The following LRRTM4 variants were observed in gnomAD, a reference collection of about 807,000 sequenced individuals.
The protein encoded by LRRTM4 is leucine-rich repeat transmembrane neuronal protein 4.
LRRTM4 carries 25 observed loss-of-function variants against 47.6 expected under a neutral mutation model. That is an observed-to-expected ratio of 0.53 (90% CI 0.38 to 0.73). The LOEUF (loss-of-function observed/expected upper bound fraction) is 0.73. LRRTM4 is among the 30% of genes least tolerant of loss of function. LRRTM4 has a pLI of 0.00. For missense variants in LRRTM4, 638 were observed against 713.4 expected (o/e 0.89, Z 1.20); for synonymous variants, 311 against 269.5 (o/e 1.15, Z -1.51).
At chr2:76,813,374 A>G (rs888697970) in intron 3 of LRRTM4, among the ~76,000 whole-genome samples, 1 of 152,116 alleles carries the variant, frequency 6.6e-6, no homozygotes, top group African/African-American at 2.4e-5. Flanking sequence ...GATGTCTTTT[A>G]TCAGCCCTGC....
intron 3 of LRRTM4, among the ~76,000 whole-genome samples, chr2:77,141,604 A>G (rs1361725378): frequency 6.6e-6 from 1 of 152,214 alleles, no homozygotes; most frequent in Non-Finnish European, 1.5e-5. Flanking sequence ...CATGTACCCT[A>G]GAAATTAAAG....
intron 3 of LRRTM4, among the ~76,000 whole-genome samples, chr2:77,067,710 CACACACAT>C (rs111479412): frequency 2.4e-4 from 36 of 151,526 alleles, no homozygotes; most frequent in African/African-American, 7.8e-4. Flanking sequence ...CACACACACA[CACACACAT>C]ACATATTTCA....
chr2:77,422,592 A>G (rs773096759), intron 3 of LRRTM4, among the ~76,000 whole-genome samples: 3 of 152,224 alleles, frequency 2.0e-5, no homozygotes, highest in Non-Finnish European at 4.4e-5. Context: ...AAAACAATTT[A>G]TGAAACCATC....
At chr2:76,898,064 G>C (rs903805474) in intron 3 of LRRTM4, among the ~76,000 whole-genome samples, 1 of 152,166 alleles carries the variant, frequency 6.6e-6, no homozygotes, top group Non-Finnish European at 1.5e-5. Context: ...TTTCTCTTTA[G>C]AATTGAAGAG....
At chr2:76,772,485 T>G (rs944617449) in intron 3 of LRRTM4, among the ~76,000 whole-genome samples, 2 of 152,104 alleles carry the variant, frequency 1.3e-5, no homozygotes, top group Non-Finnish European at 2.9e-5. Flanking sequence ...AGAAAATAAA[T>G]GTTGAAAGGG....
In LRRTM4 at chr2:77,306,897, A is replaced by ATTTTTTTTTTTTTTTTTTTT. The variant is rs774697360; in HGVS notation, c.1551+211401_1551+211420dup. ...AAATAGCTATATACTGCTTTTCCAT[A>ATTTTTTTTTTTTTTTTTTTT]TTTTTTTTTTTTTTTTTTTTGAGAT... is the stretch of plus-strand genomic sequence containing the variant. On this transcript the variant is annotated intron_variant, in intron 3 of 3. Coordinates refer to ENST00000409884, the MANE Select transcript of LRRTM4 (RefSeq NM_001134745.3). 6.5e-4 allele frequency among the ~76,000 whole-genome samples: 73 copies of ATTTTTTTTTTTTTTTTTTTT among 112,412 alleles called. 7 individuals carry two copies. The highest frequency in any genetic ancestry group is 2.8e-3 in the African/African-American group (65 of 23,132). The allele number at this position is 112,412 out of a possible 152,430, so 73.7% of individuals were successfully genotyped here. A position where few individuals can be genotyped will look rare whatever the true frequency, so the allele number is the denominator to read the frequency against.
At chr2:76,991,060 G>C (rs1676989033) in intron 3 of LRRTM4, among the ~76,000 whole-genome samples, 1 of 151,580 alleles carries the variant, frequency 6.6e-6, no homozygotes, top group Non-Finnish European at 1.5e-5. Context: ...GGGTAAAAAA[G>C]AAAATTAAGG....
chr2:77,023,136 G>A (rs1445175217), intron 3 of LRRTM4, among the ~76,000 whole-genome samples: 1 of 152,340 alleles, frequency 6.6e-6, no homozygotes, highest in Non-Finnish European at 1.5e-5. Context: ...AGCTGCCAGG[G>A]CTTGGGGTTT....
chr2:77,175,374 G>T (rs528573778), intron 3 of LRRTM4, among the ~76,000 whole-genome samples: 3 of 152,140 alleles, frequency 2.0e-5, no homozygotes, highest in African/African-American at 7.2e-5. Context: ...AAGGGTGGAA[G>T]GCTACCCTGA....
At chr2:77,354,675 G>T (rs1230743022) in intron 3 of LRRTM4, among the ~76,000 whole-genome samples, 2 of 152,118 alleles carry the variant, frequency 1.3e-5, no homozygotes, top group Admixed American at 6.5e-5. Context: ...GGTATGATGG[G>T]GGTCTCTAGG....
At chr2:77,389,065 A>T (rs1673402163) in intron 3 of LRRTM4, among the ~76,000 whole-genome samples, 1 of 152,092 alleles carries the variant, frequency 6.6e-6, no homozygotes. Context: ...ATATTAGTGT[A>T]TTCACAGGTA....
intron 3 of LRRTM4, among the ~76,000 whole-genome samples, chr2:77,044,816 T>G (rs1679179801): frequency 6.6e-6 from 1 of 151,728 alleles, no homozygotes; most frequent in South Asian, 2.1e-4. Flanking sequence ...TGAATGTGTG[T>G]GTGAATATAT....
At chr2:77,034,448 T>C (rs961994381) in intron 3 of LRRTM4, among the ~76,000 whole-genome samples, 2 of 151,956 alleles carry the variant, frequency 1.3e-5, no homozygotes, top group African/African-American at 4.8e-5. Context: ...AATAGTTTAA[T>C]CTTGCTCAAT....
chr2:76,797,007 A>C (rs1187958854), intron 3 of LRRTM4, among the ~76,000 whole-genome samples: 1 of 152,114 alleles, frequency 6.6e-6, no homozygotes, highest in Non-Finnish European at 1.5e-5. Context: ...CCTGAAAGTG[A>C]TGGGGAGAAT....
intron 3 of LRRTM4, among the ~76,000 whole-genome samples, chr2:77,396,348 T>C (rs1231011308): frequency 6.6e-6 from 1 of 151,922 alleles, no homozygotes; most frequent in East Asian, 1.9e-4. Flanking sequence ...ATTCATCATT[T>C]CCAGCTTGTA....
intron 3 of LRRTM4, among the ~76,000 whole-genome samples, chr2:77,271,853 T>C (rs1676208101): frequency 1.3e-5 from 2 of 152,186 alleles, no homozygotes; most frequent in African/African-American, 4.8e-5. Flanking sequence ...CCTACGAAAA[T>C]ATGCCTCCAC....
In LRRTM4 at chr2:77,069,399, C is replaced by T. The variant is rs915551679; in HGVS notation, c.1552-320483G>A. Reference sequence around the variant, plus strand: ...GGGTCATATGGAACTCTACATTTCACTATGTGTGTGTGTGTGTGTGTGTGT... The same window carrying T: ...GGGTCATATGGAACTCTACATTTCATTATGTGTGTGTGTGTGTGTGTGTGT... On this transcript the variant is annotated intron_variant, in intron 3 of 3. Transcript: ENST00000409884. Among the ~76,000 whole-genome samples, 55 of 123,582 alleles carry T rather than the reference C, an allele frequency of 4.5e-4. 1 individual carries two copies. The highest frequency in any genetic ancestry group is 1.6e-4 in the Admixed American group (2 of 12,238). 81.1% of individuals were successfully genotyped at this position (123,582 alleles called of 152,430 possible). A position where few individuals can be genotyped will look rare whatever the true frequency, so the allele number is the denominator to read the frequency against.
intron 3 of LRRTM4, among the ~76,000 whole-genome samples, chr2:77,250,783 T>C (rs1573143174): frequency 6.6e-6 from 1 of 152,118 alleles, no homozygotes; most frequent in Non-Finnish European, 1.5e-5. Context: ...AGATTGTCCT[T>C]GTATACTTAA....
chr2:77,026,991 C>G (rs2104122560), intron 3 of LRRTM4, among the ~76,000 whole-genome samples: 1 of 152,146 alleles, frequency 6.6e-6, no homozygotes, highest in East Asian at 1.9e-4. Flanking sequence ...AAATCTGGAA[C>G]AGAATTTGAG....
Sources: gnomAD v4.1 joint callset for allele counts (sites outside exome capture counted in the v4.1 genomes callset) on GRCh38, gnomAD v4.1.1 for gene constraint, MANE v1.5 for transcripts, NCBI Gene and HGNC (gene_info 2026-07-23, HGNC 2026-07-21) for gene names.